EBF1: variants seen among roughly 807,000 people sequenced by gnomAD.
The protein encoded by EBF1 is EBF transcription factor 1.
EBF1 carries 10 observed loss-of-function variants against 68.4 expected under a neutral mutation model. The ratio of observed to expected loss-of-function variants is 0.15; its 90% CI spans 0.09 to 0.25. EBF1 has a LOEUF of 0.25. EBF1 is among the 10% of genes least tolerant of loss of function. EBF1 has a pLI of 1.00. For missense variants in EBF1, 509 were observed against 794.4 expected (o/e 0.64, Z 4.32); for synonymous variants, 298 against 299.8 (o/e 0.99, Z 0.06).
intron 6 of EBF1, among the ~76,000 whole-genome samples, chr5:158,909,878 A>C (rs1805519563): frequency 6.8e-6 from 1 of 146,400 alleles, no homozygotes; most frequent in Non-Finnish European, 1.5e-5. Flanking sequence ...CAGAGGTTGA[A>C]CCAGGGAAGC....
At chr5:158,724,450 G>T (rs779961969) in intron 11 of EBF1, among the ~76,000 whole-genome samples, 1 of 152,184 alleles carries the variant, frequency 6.6e-6, no homozygotes, top group African/African-American at 2.4e-5. Context: ...AGGCAACGTG[G>T]TTATGCAAAG....
At chr5:158,864,382 GA>G (rs565347681) in intron 6 of EBF1, among the ~76,000 whole-genome samples, 227 of 152,216 alleles carry the variant, frequency 1.5e-3, no homozygotes, top group East Asian at 5.0e-3. Context: ...AGGGGCAAGG[GA>G]AACTGCTGTA....
chr5:158,799,763 C>A (rs145168016), intron 8 of EBF1, among the ~76,000 whole-genome samples: 41 of 152,260 alleles, frequency 2.7e-4, no homozygotes, highest in Middle Eastern at 3.4e-3. Context: ...TCAGCTTCAG[C>A]CTTTGGTGAC....
chr5:159,096,101 C>T, intron 3 of EBF1: 1 of 577,806 alleles, frequency 1.7e-6, no homozygotes, highest in Admixed American at 3.1e-5. Flanking sequence ...ATGAAAGTGG[C>T]TCAGGGAGGG....
chr5:158,836,707 T>C (rs1020268810), intron 7 of EBF1, among the ~76,000 whole-genome samples: 2 of 152,126 alleles, frequency 1.3e-5, no homozygotes, highest in Non-Finnish European at 2.9e-5. Flanking sequence ...GGATAAAAAA[T>C]AAAATGTGAC....
rs373614835 is a variant in EBF1, at chr5:159,097,129, C to T, written c.136G>A (p.Gly46Arg). The change falls in exon 2 of 16, where the codon GGG becomes AGG. Residue 46 changes from glycine to arginine, a missense_variant and splice_region_variant. Coordinates refer to ENST00000313708, the MANE Select transcript of EBF1 (RefSeq NM_024007.5). ...VLDANTAAQS[G>R]VGLARAHFEK... ...AAGTGAGCCCGGGCCAGACCCACCC[C>T]GCTGCGGCCAAAGACGCAGAGTTAG... The T allele has an allele frequency of 6.2e-7, 1 of 1,613,368 alleles. No individual in the cohort carries two copies. The highest frequency in any genetic ancestry group is 1.1e-5 in the South Asian group (1 of 90,996).
At chr5:159,008,502 C>T (rs981830058) in intron 6 of EBF1, among the ~76,000 whole-genome samples, 28 of 150,118 alleles carry the variant, frequency 1.9e-4, no homozygotes, top group Admixed American at 1.1e-3. Flanking sequence ...CCTTTTTAAA[C>T]GTTTTCTTTT....
intron 8 of EBF1, among the ~76,000 whole-genome samples, chr5:158,803,913 TTCA>T (rs574161639): frequency 1.3e-5 from 2 of 149,616 alleles, no homozygotes; most frequent in Non-Finnish European, 3.0e-5. Context: ...TTGGCAAAGA[TTCA>T]TGTATTATAT....
chr5:158,885,372 G>A (rs1799841869), intron 6 of EBF1, among the ~76,000 whole-genome samples: 2 of 152,222 alleles, frequency 1.3e-5, no homozygotes, highest in South Asian at 4.1e-4. Flanking sequence ...ACGAGAAAGA[G>A]AAGTGGACGC....
chr5:158,734,745 A>T (rs570242813), intron 10 of EBF1, among the ~76,000 whole-genome samples: 2 of 152,298 alleles, frequency 1.3e-5, no homozygotes, highest in Non-Finnish European at 2.9e-5. Flanking sequence ...AAAAAACTTA[A>T]TTGGACACAA....
At chr5:158,893,531 C>T (rs1185743272) in intron 6 of EBF1, among the ~76,000 whole-genome samples, 1 of 152,188 alleles carries the variant, frequency 6.6e-6, no homozygotes, top group African/African-American at 2.4e-5. Flanking sequence ...ACTTATAAAT[C>T]CCCCCAAAAC....
At chr5:158,805,808 T>C (rs1380109125) in intron 8 of EBF1, among the ~76,000 whole-genome samples, 1 of 151,992 alleles carries the variant, frequency 6.6e-6, no homozygotes, top group African/African-American at 2.4e-5. Flanking sequence ...TAATTCCAAT[T>C]GGATGAATGA....
At chr5:159,017,828 G>A (rs1456701286) in intron 6 of EBF1, among the ~76,000 whole-genome samples, 2 of 152,210 alleles carry the variant, frequency 1.3e-5, no homozygotes, top group Non-Finnish European at 2.9e-5. Flanking sequence ...AGACTGAGAA[G>A]GCTAAGGAGT....
intron 7 of EBF1, among the ~76,000 whole-genome samples, chr5:158,824,279 A>G (rs1785520940): frequency 1.3e-5 from 2 of 152,254 alleles, no homozygotes; most frequent in South Asian, 4.1e-4. Flanking sequence ...TTGACTAATT[A>G]ACTTTGCTCG....
chr5:158,927,593 G>A (rs928156507), intron 6 of EBF1, among the ~76,000 whole-genome samples: 1 of 152,172 alleles, frequency 6.6e-6, no homozygotes, highest in Admixed American at 6.5e-5. Context: ...ATCAATGCCA[G>A]CAGGCACAGC....
intron 11 of EBF1, among the ~76,000 whole-genome samples, chr5:158,717,509 G>A (rs1451694617): frequency 6.6e-6 from 1 of 152,106 alleles, no homozygotes; most frequent in Non-Finnish European, 1.5e-5. Context: ...AATGTTTCAA[G>A]GCATTTATTT....
At chr5:159,087,419 C>CAT (rs1380494362) in intron 4 of EBF1, among the ~76,000 whole-genome samples, 5 of 143,734 alleles carry the variant, frequency 3.5e-5, no homozygotes, top group Non-Finnish European at 6.0e-5. Flanking sequence ...CACATATATA[C>CAT]ATATATACAC....
chr5:158,946,440 C>T (rs1028024333), intron 6 of EBF1, among the ~76,000 whole-genome samples: 3 of 152,142 alleles, frequency 2.0e-5, no homozygotes, highest in African/African-American at 7.2e-5. Flanking sequence ...ACAGTCAGGC[C>T]CCTCTTCTGC....
At chr5:159,099,255 C>A (rs936821216) in intron 1 of EBF1, 90 bp downstream of exon 1, 1 of 1,058,574 alleles carries the variant, frequency 9.4e-7, no homozygotes, top group Non-Finnish European at 1.2e-6. Flanking sequence ...CCCGGCCCCG[C>A]GGCAGCAGCT....
Sources: allele counts gnomAD v4.1 joint callset (sites outside exome capture counted in the v4.1 genomes callset), GRCh38; gene constraint gnomAD v4.1.1; transcripts MANE v1.5; gene names NCBI Gene and HGNC (gene_info 2026-07-23, HGNC 2026-07-21).